Variants in IMMP2L observed in about 807,000 individuals in gnomAD.
IMMP2L encodes inner mitochondrial membrane peptidase subunit 2, also known as mitochondrial inner membrane protease subunit 2.
Under a neutral mutation model 19.3 loss-of-function variants are expected in IMMP2L, and 18 were observed. That is an observed-to-expected ratio of 0.93 (90% CI 0.64 to 1.38). The LOEUF is 1.38. Among genes scored for constraint, IMMP2L ranks in the 40% most tolerant of loss-of-function variants. The pLI is 0.00. For missense variants in IMMP2L, 233 were observed against 218.2 expected (o/e 1.07, Z -0.43); for synonymous variants, 76 against 73.0 (o/e 1.04, Z -0.21).
At chr7:110,887,342 T>A (rs1029365984) in intron 4 of IMMP2L, among the ~76,000 whole-genome samples, 1 of 152,088 alleles carries the variant, frequency 6.6e-6, no homozygotes, top group Non-Finnish European at 1.5e-5. Context: ...AAACATTCTA[T>A]ATTAATGTTG....
At chr7:110,852,091 C>T (rs1339077412) in intron 5 of IMMP2L, among the ~76,000 whole-genome samples, 3 of 151,958 alleles carry the variant, frequency 2.0e-5, no homozygotes, top group Non-Finnish European at 4.4e-5. Context: ...GGAATACAGC[C>T]ATCATTTGGT....
At chr7:110,949,007 C>G (rs1354085171) in intron 4 of IMMP2L, among the ~76,000 whole-genome samples, 1 of 152,168 alleles carries the variant, frequency 6.6e-6, no homozygotes, top group Non-Finnish European at 1.5e-5. Flanking sequence ...CCCCTGCCCC[C>G]ACCAGGTTCT....
chr7:110,703,994 T>C (rs994611277), intron 5 of IMMP2L, among the ~76,000 whole-genome samples: 3 of 151,928 alleles, frequency 2.0e-5, no homozygotes, highest in Non-Finnish European at 4.4e-5. Context: ...TACAGGAGCC[T>C]GCCACCACAC....
chr7:111,274,762 C>T (rs537105339), intron 3 of IMMP2L, among the ~76,000 whole-genome samples: 1 of 152,168 alleles, frequency 6.6e-6, no homozygotes, highest in South Asian at 2.1e-4. Context: ...ATTCAAAGAC[C>T]CGTATTTAAG....
At chr7:111,231,096 A>C (rs984686156) in intron 3 of IMMP2L, among the ~76,000 whole-genome samples, 1 of 151,652 alleles carries the variant, frequency 6.6e-6, no homozygotes, top group African/African-American at 2.4e-5. Context: ...ACTGAAACCA[A>C]TAAATTTTCA....
chr7:110,690,966 A>G (rs1793454987), intron 5 of IMMP2L, among the ~76,000 whole-genome samples: 1 of 152,130 alleles, frequency 6.6e-6, no homozygotes. Flanking sequence ...ATTAGAAAAA[A>G]CAGTCCCCAA....
At chr7:110,817,521 A>G (rs539686222) in intron 5 of IMMP2L, among the ~76,000 whole-genome samples, 2 of 152,250 alleles carry the variant, frequency 1.3e-5, no homozygotes, top group South Asian at 4.1e-4. Context: ...CAATATTGTG[A>G]AAATGGCCAT....
chr7:111,215,808 G>A (rs1431908189), intron 3 of IMMP2L, among the ~76,000 whole-genome samples: 1 of 152,048 alleles, frequency 6.6e-6, no homozygotes, highest in Non-Finnish European at 1.5e-5. Flanking sequence ...AACTGTTGAA[G>A]TCATTCTTTT....
intron 3 of IMMP2L, among the ~76,000 whole-genome samples, chr7:111,431,742 A>G (rs907613950): frequency 2.1e-4 from 32 of 151,772 alleles, no homozygotes; most frequent in Admixed American, 2.1e-3. Context: ...CTAATTCTAA[A>G]CTTTATAAAA....
intron 3 of IMMP2L, among the ~76,000 whole-genome samples, chr7:111,204,614 A>G (rs1810503754): frequency 6.6e-5 from 10 of 152,164 alleles, no homozygotes; most frequent in Admixed American, 6.5e-4. Flanking sequence ...TAAATTTTTA[A>G]AAAAATAAAA....
chr7:111,487,439 T>C, intron 2 of IMMP2L, 98 bp from the exon 3 acceptor site: 2 of 685,000 alleles, frequency 2.9e-6, no homozygotes, highest in Admixed American at 4.4e-5. Context: ...ATAAAACATT[T>C]CTAATACAGT....
intron 5 of IMMP2L, among the ~76,000 whole-genome samples, chr7:110,817,747 A>T (rs1284403775): frequency 1.3e-5 from 2 of 152,148 alleles, no homozygotes; most frequent in East Asian, 1.9e-4. Flanking sequence ...ACAGCATGGT[A>T]CTGGTACCAA....
chr7:111,538,810 C>T (rs1425945201), intron 1 of IMMP2L, among the ~76,000 whole-genome samples: 2 of 114,834 alleles, frequency 1.7e-5, no homozygotes, highest in Non-Finnish European at 3.4e-5. Context: ...GAGACCCTGG[C>T]TCATTTAAAA....
At chr7:110,821,755 T>C (rs1026292988) in intron 5 of IMMP2L, among the ~76,000 whole-genome samples, 1 of 150,938 alleles carries the variant, frequency 6.6e-6, no homozygotes, top group African/African-American at 2.4e-5. Flanking sequence ...TACCACAAAT[T>C]ACAAAAAGAA....
rs192022257 is a variant in IMMP2L at position 111,151,840 on chromosome 7, G to A, written c.240-188275C>T. ...AATCCCAGCTACTCAGGAGGCTGAGGCACAAGAATCGTTTGAACCTGGGAG... is the reference window on the plus strand; with the variant it reads ...AATCCCAGCTACTCAGGAGGCTGAGACACAAGAATCGTTTGAACCTGGGAG... On this transcript the variant is annotated intron_variant, in intron 3 of 5. Coordinates refer to ENST00000405709, the MANE Select transcript of IMMP2L (RefSeq NM_032549.4). 7.4e-3 allele frequency among the ~76,000 whole-genome samples: 1,122 copies of A among 152,250 alleles called. 18 individuals carry two copies. Among genetic ancestry groups the A allele is most frequent in the African/African-American group, 0.025 (1,026 of 41,532 alleles).
chr7:111,136,941 G>T (rs549027406), intron 3 of IMMP2L, among the ~76,000 whole-genome samples: 2 of 152,114 alleles, frequency 1.3e-5, no homozygotes, highest in Non-Finnish European at 2.9e-5. Context: ...GTAGTGACAG[G>T]GATTTGTTCT....
intron 4 of IMMP2L, among the ~76,000 whole-genome samples, chr7:110,952,715 T>G (rs1466751296): frequency 6.6e-6 from 1 of 152,156 alleles, no homozygotes; most frequent in Non-Finnish European, 1.5e-5. Context: ...GAAGAGATTC[T>G]TCCTATTTAA....
chr7:111,372,654 A>C lies in IMMP2L; in HGVS notation c.239+114584T>G, dbSNP rs189789376. ...TAACATAAGCAAATTCTGTTTCATA[A>C]AATAAAGGAAATGATGAGCATGGTA... On this transcript the variant is annotated intron_variant, in intron 3 of 5. Coordinates refer to ENST00000405709, the MANE Select transcript of IMMP2L (RefSeq NM_032549.4). Among the ~76,000 whole-genome samples, 380 of 152,096 alleles carry C rather than the reference A, an allele frequency of 2.5e-3. 2 individuals carry two copies. Among genetic ancestry groups the C allele is most frequent in the South Asian group, 4.6e-3 (22 of 4,808 alleles).
At chr7:111,195,834 TTTCATTTC>T (rs1562912475) in intron 3 of IMMP2L, among the ~76,000 whole-genome samples, 8 of 6,514 alleles carry the variant, frequency 1.2e-3, no homozygotes, top group African/African-American at 1.4e-3. Context: ...TTTTATTTCA[TTTCATTTC>T]ATTTCATTTC....
Sources: allele counts gnomAD v4.1 joint callset (sites outside exome capture counted in the v4.1 genomes callset), GRCh38; gene constraint gnomAD v4.1.1; transcripts MANE v1.5; gene names NCBI Gene and HGNC (gene_info 2026-07-23, HGNC 2026-07-21).